The following ARMH3 variants were observed in gnomAD, a reference collection of about 807,000 sequenced individuals.
ARMH3 encodes the protein armadillo like helical domain containing 3.
ARMH3 carries 60 observed loss-of-function variants against 99.1 expected under a neutral mutation model. That is an observed-to-expected ratio of 0.61 (90% confidence interval 0.49 to 0.75). The LOEUF is 0.75. Ranked by LOEUF, ARMH3 falls within the 30% of genes least tolerant of loss-of-function variation. ARMH3 has a pLI of 0.00. For missense variants in ARMH3, 679 were observed against 843.1 expected, an observed-to-expected ratio of 0.81 and a Z score of 2.41; for synonymous variants, 285 against 292.8, an observed-to-expected ratio of 0.97 and a Z score of 0.27.
At chr10:101,985,608 T>C (rs941180320) in intron 19 of ARMH3, among the ~76,000 whole-genome samples, 2 of 151,846 alleles carry the variant, frequency 1.3e-5, no homozygotes, top group African/African-American at 4.8e-5. Context: ...TAGTTACTCA[T>C]GAGACTGAGG....
chr10:102,041,716 T>C (rs1449845237), intron 1 of ARMH3, among the ~76,000 whole-genome samples: 4 of 152,042 alleles, frequency 2.6e-5, no homozygotes, highest in Admixed American at 6.6e-5. Context: ...AATGGCGTGA[T>C]CTCAGCTTAC....
At chr10:101,907,385 G>GTTTTTTTTTTTTT (rs773919740) in intron 23 of ARMH3, among the ~76,000 whole-genome samples, 1 of 136,884 alleles carries the variant, frequency 7.3e-6, no homozygotes. Flanking sequence ...CTTTGTTTTT[G>GTTTTTTTTTTTTT]TTTTTTTTTT....
chr10:102,041,187 G>A (rs947688007), intron 1 of ARMH3, among the ~76,000 whole-genome samples: 1 of 148,880 alleles, frequency 6.7e-6, no homozygotes, highest in Admixed American at 6.8e-5. Context: ...CATGAATCAT[G>A]GCCAAATGTT....
At chr10:101,893,804 A>G (rs563571829) in intron 23 of ARMH3, among the ~76,000 whole-genome samples, 1 of 152,232 alleles carries the variant, frequency 6.6e-6, no homozygotes, top group East Asian at 1.9e-4. Context: ...TTCAAAATGT[A>G]CACTTGTTTC....
At chr10:101,964,575 T>C (rs1202516200) in intron 20 of ARMH3, among the ~76,000 whole-genome samples, 2 of 152,200 alleles carry the variant, frequency 1.3e-5, no homozygotes, top group Admixed American at 6.5e-5. Context: ...TCTGACAACA[T>C]AGATGAACCT....
intron 15 of ARMH3, among the ~76,000 whole-genome samples, chr10:102,001,230 CAT>C (rs1278677437): frequency 6.6e-5 from 10 of 151,988 alleles, no homozygotes; most frequent in Non-Finnish European, 1.5e-4. Context: ...TAAAAACAAA[CAT>C]AAAAATTGTG....
chr10:102,041,061 T>C (rs1350308674), intron 1 of ARMH3, among the ~76,000 whole-genome samples: 1 of 138,868 alleles, frequency 7.2e-6, no homozygotes, highest in African/African-American at 2.6e-5. Context: ...TACTTTCAAA[T>C]TTAATTGTGT....
chr10:101,869,077 A>AG (rs1297574502), intron 24 of ARMH3, among the ~76,000 whole-genome samples: 1 of 152,014 alleles, frequency 6.6e-6, no homozygotes, highest in East Asian at 1.9e-4. Flanking sequence ...GTCTCAAAAA[A>AG]AAAAAAAAAA....
chr10:101,852,260 G>A (rs1186231042), intron 24 of ARMH3, among the ~76,000 whole-genome samples: 1 of 152,216 alleles, frequency 6.6e-6, no homozygotes, highest in Non-Finnish European at 1.5e-5. Context: ...TACATCCTGA[G>A]AGCCTCAGGC....
At chr10:101,889,131 T>TA (rs1237950576) in intron 24 of ARMH3, among the ~76,000 whole-genome samples, 1 of 152,184 alleles carries the variant, frequency 6.6e-6, no homozygotes, top group Non-Finnish European at 1.5e-5. Context: ...CCTAAAATTT[T>TA]AAAAAAAGAA....
At chr10:101,967,469 T>C (rs548212041) in intron 20 of ARMH3, among the ~76,000 whole-genome samples, 1 of 152,278 alleles carries the variant, frequency 6.6e-6, no homozygotes, top group African/African-American at 2.4e-5. Context: ...CCAGATGCGG[T>C]GGCTCAAGCC....
Position 101,940,743 on chromosome 10 carries a change from G to C in ARMH3, c.1706-805C>G, listed in dbSNP as rs569987111. On this transcript the variant is annotated intron_variant, in intron 22 of 25. Coordinates refer to ENST00000370033, the MANE Select transcript of ARMH3 (RefSeq NM_024541.3). The stretch of plus-strand genomic sequence containing the variant: ...GACTTAACTGTTTGACCTGCAAAAT[G>C]AATCTACAAGAACGTTCTTCCCTTG... Among the ~76,000 whole-genome samples, 6 of 152,238 alleles carry C rather than the reference G, an allele frequency of 3.9e-5. No homozygotes were observed. The South Asian group carries it at 1.2e-3, about 32-fold the overall frequency.
chr10:102,005,939 T>G (rs1218968607), intron 14 of ARMH3, among the ~76,000 whole-genome samples: 2 of 152,176 alleles, frequency 1.3e-5, no homozygotes, highest in African/African-American at 4.8e-5. Flanking sequence ...TAACAGTGAG[T>G]GAGTGCCAGG....
At chr10:101,924,932 T>C (rs1843452789) in intron 23 of ARMH3, among the ~76,000 whole-genome samples, 2 of 152,064 alleles carry the variant, frequency 1.3e-5, no homozygotes, top group African/African-American at 4.8e-5. Flanking sequence ...AGGAGGAAGT[T>C]GCAGTGAGCC....
rs557495414 is a variant in ARMH3, at chr10:101,852,493, C to T, written c.1861-2601G>A. Among the ~76,000 whole-genome samples, 11 of 152,352 alleles carry T rather than the reference C, an allele frequency of 7.2e-5. No individual in the cohort carries two copies. In the South Asian group the frequency reaches 8.3e-4, roughly 11 times the overall value. On this transcript the variant is annotated intron_variant, in intron 24 of 25. Coordinates refer to ENST00000370033, the MANE Select transcript of ARMH3 (RefSeq NM_024541.3). ...AGAAGCAGCCGGACATGGTGGCTCA[C>T]GCCTGTAATCCCAGCACTTTGGGAG...
chr10:102,050,256 C>A (rs1334357637), intron 1 of ARMH3, among the ~76,000 whole-genome samples: 3 of 151,952 alleles, frequency 2.0e-5, no homozygotes, highest in Non-Finnish European at 4.4e-5. Flanking sequence ...TCCTGGCTAA[C>A]ACGGTGAAAC....
chr10:102,054,049 T>C (rs2067776301), intron 1 of ARMH3, among the ~76,000 whole-genome samples: 1 of 152,204 alleles, frequency 6.6e-6, no homozygotes, highest in South Asian at 2.1e-4. Context: ...GATTCCAAAT[T>C]TCATAATGAC....
chr10:101,890,250 A>G (rs2067656189), intron 23 of ARMH3, among the ~76,000 whole-genome samples: 2 of 150,288 alleles, frequency 1.3e-5, no homozygotes, highest in African/African-American at 2.4e-5. Context: ...ATATTTATTT[A>G]TATTTATATT....
At chr10:102,023,429 A>G (rs1028824145) in intron 8 of ARMH3, 48 bp downstream of exon 8, 6 of 1,525,672 alleles carry the variant, frequency 3.9e-6, no homozygotes, top group African/African-American at 1.4e-5. Context: ...GGCCGCATTT[A>G]AGAAGATTAT....
Sources: allele counts gnomAD v4.1 joint callset (sites outside exome capture counted in the v4.1 genomes callset), GRCh38; gene constraint gnomAD v4.1.1; transcripts MANE v1.5; gene names NCBI Gene and HGNC (gene_info 2026-07-23, HGNC 2026-07-21).